The following OSBPL5 variants were observed in gnomAD, a reference collection of about 807,000 sequenced individuals.
OSBPL5 encodes the protein oxysterol-binding protein-related protein 5.
In OSBPL5, 71 loss-of-function variants were observed where a neutral mutation model predicts 111.2. That is an observed-to-expected ratio of 0.64 (90% CI 0.53 to 0.78). The LOEUF is 0.78. OSBPL5 is among the 30% of genes least tolerant of loss of function. The pLI is 0.00. For missense variants in OSBPL5, 1,210 were observed against 1,189.3 expected, an observed-to-expected ratio of 1.02 and a Z score of -0.26; for synonymous variants, 549 against 513.9, an observed-to-expected ratio of 1.07 and a Z score of -0.93.
chr11:3,157,830 A>G (rs528067811), intron 1 of OSBPL5, among the ~76,000 whole-genome samples: 1 of 152,370 alleles, frequency 6.6e-6, no homozygotes, highest in East Asian at 1.9e-4. Context: ...GGGTCTGGGC[A>G]GGAAAGAGCC....
At chr11:3,158,117 C>T (rs1461160647) in intron 1 of OSBPL5, among the ~76,000 whole-genome samples, 2 of 152,250 alleles carry the variant, frequency 1.3e-5, no homozygotes, top group South Asian at 2.1e-4. Context: ...CACATCCTGA[C>T]GTTTCTAGGT....
chr11:3,101,649 G>A lies in OSBPL5; in HGVS notation c.1476C>T (p.Asp492=), dbSNP rs531963326. ...VSAFHVSNRK[D]GFCISGSITA... is the part of the protein sequence containing the mutation. ...TGATGCTGCCACTGATGCAGAAGCC[G>A]TCCTTCCGGTTGCTGACGTGGAAGG... The change falls in exon 13 of 22, where the codon GAC becomes GAT. Residue 492 remains aspartate, a synonymous_variant. Transcript: ENST00000263650. 98 of 1,613,954 alleles carry A rather than the reference G, an allele frequency of 6.1e-5. 1 individual carries two copies. In the South Asian group the frequency reaches 7.5e-4, roughly 12 times the overall value.
At chr11:3,152,252 T>C (rs1846615433) in intron 1 of OSBPL5, among the ~76,000 whole-genome samples, 1 of 152,246 alleles carries the variant, frequency 6.6e-6, no homozygotes, top group Non-Finnish European at 1.5e-5. Context: ...GTGCGTGTTT[T>C]CATAGTTACC....
In OSBPL5 at chr11:3,130,388, C is replaced by T. The variant is rs527502891; in HGVS notation, c.-21-1219G>A. Among the ~76,000 whole-genome samples, 7 of 152,008 alleles carry T rather than the reference C, an allele frequency of 4.6e-5. No individual in the cohort carries two copies. The South Asian group carries it at 1.5e-3, about 32-fold the overall frequency. On this transcript the variant is annotated intron_variant, in intron 1 of 21. Transcript: ENST00000263650. This position sits in a 1 kb window ranked among gnomAD's most constrained non-coding sequence, Gnocchi z 4.5. The stretch of plus-strand genomic sequence containing the variant: ...CCGGGACAAAGGCCTCGATTTCTCC[C>T]ATGGTCCTGGGCTTTGCTGGGGGGG...
intron 7 of OSBPL5, 48 bp downstream of exon 7, chr11:3,119,499 A>C: frequency 6.6e-7 from 1 of 1,521,276 alleles, no homozygotes; most frequent in South Asian, 1.3e-5. Flanking sequence ...AAGGGGGCCC[A>C]CTTCAGGTGG....
In OSBPL5 at chr11:3,087,579, T is replaced by C. The variant is rs1441864900; in HGVS notation, c.*626A>G. 1 of 152,976 alleles carries C rather than the reference T, an allele frequency of 6.5e-6. No individual in the cohort carries two copies. Among genetic ancestry groups the C allele is most frequent in the Non-Finnish European group, 1.5e-5 (1 of 68,668 alleles). 9.5% of individuals were successfully genotyped at this position (152,976 alleles called of 1,614,324 possible). ...GCGTGTGCCCCCACCAGAGCGAGCGTCCAGGTGTGGGGGTGGGGTGGTTCC... is the reference window on the plus strand; with the variant it reads ...GCGTGTGCCCCCACCAGAGCGAGCGCCCAGGTGTGGGGGTGGGGTGGTTCC... On this transcript the variant is annotated 3_prime_UTR_variant, in exon 22 of 22. Coordinates refer to ENST00000263650, the MANE Select transcript of OSBPL5 (RefSeq NM_020896.4).
At chr11:3,089,195 C>T (rs980465529) in intron 21 of OSBPL5, among the ~76,000 whole-genome samples, 3 of 152,318 alleles carry the variant, frequency 2.0e-5, no homozygotes, top group South Asian at 2.1e-4. Flanking sequence ...TCACAGAGCC[C>T]GGGCCTGTGC....
intron 19 of OSBPL5, among the ~76,000 whole-genome samples, chr11:3,091,252 A>G (rs75257601): frequency 0.2 from 29,847 of 152,244 alleles, 3,260 homozygotes; most frequent in South Asian, 0.27. Context: ...CAGGACAGGA[A>G]CTGATGCTCA....
chr11:3,089,978 G>A (rs1389067227), intron 20 of OSBPL5, 30 bp from the exon 21 acceptor site: 11 of 1,482,142 alleles, frequency 7.4e-6, no homozygotes, highest in South Asian at 1.3e-5. Context: ...GACAAAGGAG[G>A]GGAGGGGAGG....
intron 1 of OSBPL5, among the ~76,000 whole-genome samples, chr11:3,163,603 G>A (rs1201468017): frequency 1.3e-5 from 2 of 152,182 alleles, no homozygotes; most frequent in Non-Finnish European, 2.9e-5. Context: ...CCTATTCATG[G>A]CCCAATCTGG....
At chr11:3,090,090 G>T in intron 20 of OSBPL5, 142 bp from the exon 21 acceptor site, 1 of 618,420 alleles carries the variant, frequency 1.6e-6, no homozygotes, top group Non-Finnish European at 2.8e-6. Context: ...GCAGGGCCAA[G>T]CTGAAGACAC....
intron 1 of OSBPL5, among the ~76,000 whole-genome samples, chr11:3,132,590 T>C (rs1320256334): frequency 6.6e-6 from 1 of 151,018 alleles, no homozygotes; most frequent in East Asian, 2.0e-4. Context: ...TGTCGCCCAC[T>C]CTGCTCCAGC....
chr11:3,149,948 GAC>G (rs1846519021), intron 1 of OSBPL5, among the ~76,000 whole-genome samples: 1 of 152,120 alleles, frequency 6.6e-6, no homozygotes. Context: ...CGGATGCATG[GAC>G]ACACACAACC....
rs1242692134 is a variant in OSBPL5 at position 3,088,004 on chromosome 11, C to A, written c.*201G>T. On this transcript the variant is annotated 3_prime_UTR_variant, in exon 22 of 22. Coordinates refer to ENST00000263650, the MANE Select transcript of OSBPL5 (RefSeq NM_020896.4). ...GGCCAGCGCTGGGCGGAAGGCCCTG[C>A]AGAGAGGCCAGTGCCCCTGAGAGGG... is the stretch of plus-strand genomic sequence containing the variant. 6 of 470,648 alleles carry A rather than the reference C, an allele frequency of 1.3e-5. No homozygotes were observed. The highest frequency in any genetic ancestry group is 2.2e-5 in the Non-Finnish European group (6 of 271,622). 29.2% of individuals were successfully genotyped at this position (470,648 alleles called of 1,614,324 possible). A position where few individuals can be genotyped will look rare whatever the true frequency, so the allele number is the denominator to read the frequency against.
chr11:3,133,087 A>T (rs186522533), intron 1 of OSBPL5, among the ~76,000 whole-genome samples: 169 of 152,288 alleles, frequency 1.1e-3, no homozygotes, highest in South Asian at 4.1e-3. Context: ...TTTAGGGCTG[A>T]TTTCCACTGG....
intron 13 of OSBPL5, among the ~76,000 whole-genome samples, chr11:3,101,314 A>G: frequency 6.6e-6 from 1 of 152,146 alleles, no homozygotes. Flanking sequence ...ATAGTCATGC[A>G]GTGCTCTGGG....
At chr11:3,163,819 C>G (rs753339185) in intron 1 of OSBPL5, 1 of 152,230 alleles carries the variant, frequency 6.6e-6, no homozygotes, top group African/African-American at 2.4e-5. Context: ...GCCCCACACG[C>G]GTGCAGGCAG....
Position 3,100,166 on chromosome 11 carries a change from T to C in OSBPL5, c.1613A>G (p.His538Arg). 2 of 1,614,070 alleles carry C rather than the reference T, an allele frequency of 1.2e-6. No individual in the cohort carries two copies. Among genetic ancestry groups the C allele is most frequent in the Non-Finnish European group, 1.7e-6 (2 of 1,179,994 alleles). The change falls in exon 14 of 22, where the codon CAC becomes CGC. Residue 538 changes from histidine (H) to arginine (R), a missense_variant. Coordinates refer to ENST00000263650, the MANE Select transcript of OSBPL5 (RefSeq NM_020896.4). ...GTGGCTGAGCCTCTCACCTTTGCAG[T>C]GGGCGTAGGGCATGGTAAGGGTGTA... ...EDYTLTMPYA[H>R]CKGILYGTMT...
At chr11:3,164,790 C>G (rs1202021130) in intron 1 of OSBPL5, among the ~76,000 whole-genome samples, 1 of 152,176 alleles carries the variant, frequency 6.6e-6, no homozygotes, top group Non-Finnish European at 1.5e-5. Context: ...TTGGAGCCCG[C>G]GTCGGCCGAG....
Sources: allele counts gnomAD v4.1 joint callset (sites outside exome capture counted in the v4.1 genomes callset), GRCh38; gene constraint gnomAD v4.1.1; non-coding constraint Gnocchi (gnomAD v3.1); transcripts MANE v1.5; gene names NCBI Gene and HGNC (gene_info 2026-07-23, HGNC 2026-07-21).